Variants in ZAP70 observed in about 807,000 individuals in gnomAD.
ZAP70 encodes the protein zeta chain of T cell receptor associated protein kinase 70.
Under a neutral mutation model 65.8 loss-of-function variants are expected in ZAP70, and 27 were observed. The ratio of observed to expected loss-of-function variants is 0.41; its 90% CI spans 0.30 to 0.57. The LOEUF is 0.57. Ranked by LOEUF, ZAP70 falls within the 20% of genes least tolerant of loss-of-function variation. The pLI is 0.28. For synonymous variants in ZAP70, 363 were observed against 360.8 expected (o/e 1.01, Z -0.07); for missense variants, 696 against 870.5 (o/e 0.80, Z 2.52).
intron 4 of ZAP70, among the ~76,000 whole-genome samples, chr2:97,726,111 G>A (rs1055653716): frequency 2.0e-5 from 3 of 152,150 alleles, no homozygotes; most frequent in South Asian, 2.1e-4. Flanking sequence ...CGTGTGAATC[G>A]AGAGTATGGT....
rs1490917650 is a variant in ZAP70, at chr2:97,731,354, G to A, written c.564-1529G>A. Among the ~76,000 whole-genome samples, 1 of 152,110 alleles carries A rather than the reference G, an allele frequency of 6.6e-6. No individual in the cohort carries two copies. Among genetic ancestry groups the A allele is most frequent in the Non-Finnish European group, 1.5e-5 (1 of 68,028 alleles). On this transcript the variant is annotated intron_variant, in intron 4 of 13. Transcript: ENST00000264972. The surrounding 1 kb of genome is among the most constrained non-coding windows in gnomAD (Gnocchi z 4.0). ...AAAATAGAAATGTTTTGTGGGAGATGTTGACTGGTGTCACTGCGGGGTTTC... is the reference window on the plus strand; with the variant it reads ...AAAATAGAAATGTTTTGTGGGAGATATTGACTGGTGTCACTGCGGGGTTTC...
At chr2:97,750,350 G>A in the ZAP70 span, among the ~76,000 whole-genome samples, 39 of 152,212 alleles carry the variant, frequency 2.6e-4, no homozygotes, top group Non-Finnish European at 5.3e-4. Flanking sequence ...GTAGGATGTG[G>A]GCCTTGGTTA....
intron 2 of ZAP70, 137 bp from the exon 3 acceptor site, chr2:97,723,879 A>T: frequency 1.1e-6 from 1 of 950,384 alleles, no homozygotes; most frequent in Non-Finnish European, 1.6e-6. Flanking sequence ...TCTGGCACAG[A>T]GCAGGCTCTG....
chr2:97,754,394 A>G, the ZAP70 span, among the ~76,000 whole-genome samples: 1 of 151,946 alleles, frequency 6.6e-6, no homozygotes, highest in Non-Finnish European at 1.5e-5. Context: ...CTGCCAATAC[A>G]GTTTTTTTCT....
chr2:97,718,751 C>T (rs900148544), intron 2 of ZAP70, among the ~76,000 whole-genome samples: 3 of 152,202 alleles, frequency 2.0e-5, no homozygotes, highest in African/African-American at 7.2e-5. Flanking sequence ...AGGAGCTTCT[C>T]AAACTGTGTT....
At chr2:97,721,848 G>A (rs947694683) in intron 2 of ZAP70, among the ~76,000 whole-genome samples, 3 of 147,788 alleles carry the variant, frequency 2.0e-5, no homozygotes, top group African/African-American at 5.0e-5. Context: ...TGGCAGTGGC[G>A]CGATCTCAGC....
At position 97,724,138 on chromosome 2, in the gene ZAP70, C is replaced by T. The variant is rs200409156; in HGVS notation, c.102C>T (p.Phe34=). Residue 34 remains phenylalanine (F), a synonymous_variant, in exon 3 of 14, where the codon TTC becomes TTT. Coordinates refer to ENST00000264972, the MANE Select transcript of ZAP70 (RefSeq NM_001079.4). ...LKLAGMADGL[F]LLRQCLRSLG... is the part of the protein sequence containing the mutation. ...TGGCGGGCATGGCGGACGGGCTCTT[C>T]CTGCTGCGCCAGTGCCTGCGCTCGC... The T allele has an allele frequency of 6.4e-7, 1 of 1,567,798 alleles. No individual in the cohort carries two copies.
At chr2:97,755,397 G>A in the ZAP70 span, among the ~76,000 whole-genome samples, 2 of 152,186 alleles carry the variant, frequency 1.3e-5, no homozygotes, top group Non-Finnish European at 2.9e-5. Flanking sequence ...AGCCCCAGCT[G>A]GTATTTCTAC....
the ZAP70 span, among the ~76,000 whole-genome samples, chr2:97,750,621 G>A: frequency 6.6e-6 from 1 of 152,244 alleles, no homozygotes; most frequent in Non-Finnish European, 1.5e-5. Context: ...TAACAGGTCT[G>A]CAAGACAAGG....
chr2:97,752,073 C>A, the ZAP70 span, among the ~76,000 whole-genome samples: 1 of 120,520 alleles, frequency 8.3e-6, no homozygotes, highest in East Asian at 2.1e-4. Flanking sequence ...AAAACAAAAT[C>A]AAGCACTTTT....
chr2:97,750,317 G>A, the ZAP70 span, among the ~76,000 whole-genome samples: 1 of 152,244 alleles, frequency 6.6e-6, no homozygotes, highest in Non-Finnish European at 1.5e-5. Flanking sequence ...TGTCTCCTAA[G>A]AGGGTGTCAG....
chr2:97,721,580 A>ATTTTTT (rs796509420), intron 2 of ZAP70, among the ~76,000 whole-genome samples: 21 of 81,166 alleles, frequency 2.6e-4, no homozygotes, highest in Admixed American at 4.7e-4. Flanking sequence ...TGGCTGGCTG[A>ATTTTTT]TTTTTTTTTT....
the ZAP70 span, among the ~76,000 whole-genome samples, chr2:97,753,170 CTA>C: frequency 6.6e-6 from 1 of 152,312 alleles, no homozygotes; most frequent in African/African-American, 2.4e-5. Context: ...TGATCATAGA[CTA>C]TCCTTTTTCT....
downstream of ZAP70, among the ~76,000 whole-genome samples, chr2:97,740,082 T>A (rs1267246475): frequency 6.6e-6 from 1 of 151,958 alleles, no homozygotes; most frequent in African/African-American, 2.4e-5. Flanking sequence ...GCCCAAGGGC[T>A]GCGTGCCTGG....
the ZAP70 span, among the ~76,000 whole-genome samples, chr2:97,752,586 C>T: frequency 6.6e-6 from 1 of 152,202 alleles, no homozygotes; most frequent in Non-Finnish European, 1.5e-5. Flanking sequence ...GTGGTCAGCC[C>T]AAACACTGCC....
the ZAP70 span, among the ~76,000 whole-genome samples, chr2:97,749,653 T>G: frequency 6.6e-6 from 1 of 152,200 alleles, no homozygotes; most frequent in East Asian, 1.9e-4. Flanking sequence ...GGTGGTGCTT[T>G]GTGGGCATAG....
rs1436475409 is a variant in ZAP70 at position 97,724,027 on chromosome 2, C to T, written c.-10C>T. On this transcript the variant is annotated 5_prime_UTR_variant, in exon 3 of 14. Coordinates refer to ENST00000264972, the MANE Select transcript of ZAP70 (RefSeq NM_001079.4). ...CTGTGAACCCGCAGGTTTCGGGAGG[C>T]CCAGGGGCGATGCCAGACCCCGCGG... 14 of 1,547,006 alleles carry T rather than the reference C, an allele frequency of 9.0e-6. No individual in the cohort carries two copies. The highest frequency in any genetic ancestry group is 1.2e-5 in the Non-Finnish European group (14 of 1,152,904).
At chr2:97,713,721 C>A (rs972853918) in intron 1 of ZAP70, 47 bp downstream of exon 1, 2 of 152,414 alleles carry the variant, frequency 1.3e-5, no homozygotes, top group African/African-American at 4.8e-5. Context: ...GCCACCAGGG[C>A]CACCCCAGGG....
rs201082245 is a variant in ZAP70 at position 97,737,729 on chromosome 2, T to G, written c.1483-28T>G. 2 of 1,614,038 alleles carry G rather than the reference T, an allele frequency of 1.2e-6. No individual in the cohort carries two copies. The highest frequency in any genetic ancestry group is 1.1e-5 in the South Asian group (1 of 91,086). ...GGGTGGGTAGAGGGTCCCTGACCCC[T>G]GATCCAGCAGCATCTCCCCCTCCCC... On this transcript the variant is annotated intron_variant, in intron 11 of 13. Coordinates refer to ENST00000264972, the MANE Select transcript of ZAP70 (RefSeq NM_001079.4). This position sits in a 1 kb window ranked among gnomAD's most constrained non-coding sequence, Gnocchi z 5.0.
Sources: allele counts gnomAD v4.1 joint callset (sites outside exome capture counted in the v4.1 genomes callset), GRCh38; gene constraint gnomAD v4.1.1; non-coding constraint Gnocchi (gnomAD v3.1); transcripts MANE v1.5; gene names NCBI Gene and HGNC (gene_info 2026-07-23, HGNC 2026-07-21).